TCERG1L: variants seen among roughly 807,000 people sequenced by gnomAD.
The protein encoded by TCERG1L is transcription elongation regulator 1-like protein.
A neutral mutation model predicts 56.3 loss-of-function variants in TCERG1L; 37 were observed. The observed-to-expected ratio is 0.66, with a 90% CI of 0.51 to 0.87. The LOEUF (loss-of-function observed/expected upper bound fraction) is 0.87. Ranked by LOEUF, TCERG1L falls within the 40% of genes least tolerant of loss-of-function variation. The pLI is 0.00. For synonymous variants in TCERG1L, 324 were observed against 326.3 expected (o/e 0.99, Z 0.08); for missense variants, 799 against 774.2 (o/e 1.03, Z -0.38).
chr10:131,239,319 C>T (rs1230805000), intron 4 of TCERG1L, among the ~76,000 whole-genome samples: 1 of 152,148 alleles, frequency 6.6e-6, no homozygotes, highest in Non-Finnish European at 1.5e-5. Context: ...TAGAAAAGAG[C>T]CTGCTGCAGA....
chr10:131,101,168 T>A (rs897998741), intron 10 of TCERG1L, among the ~76,000 whole-genome samples: 3 of 152,222 alleles, frequency 2.0e-5, no homozygotes, highest in Admixed American at 1.3e-4. Flanking sequence ...CTGCTGTCTC[T>A]GACGATGGCC....
At chr10:131,259,290 A>T (rs1846208633) in intron 4 of TCERG1L, among the ~76,000 whole-genome samples, 1 of 152,202 alleles carries the variant, frequency 6.6e-6, no homozygotes, top group Non-Finnish European at 1.5e-5. Flanking sequence ...TGTCTATCAC[A>T]GTCTAGTGAT....
intron 3 of TCERG1L, among the ~76,000 whole-genome samples, chr10:131,299,059 T>C (rs1466717948): frequency 6.6e-6 from 1 of 152,234 alleles, no homozygotes; most frequent in Non-Finnish European, 1.5e-5. Context: ...TAAATGTATT[T>C]GATTAGATTT....
intron 4 of TCERG1L, among the ~76,000 whole-genome samples, chr10:131,195,796 C>T (rs373063192): frequency 2.4e-3 from 364 of 152,316 alleles, no homozygotes; most frequent in African/African-American, 8.3e-3. Flanking sequence ...TCTTGTCTTC[C>T]GCAAGGCCTT....
intron 3 of TCERG1L, among the ~76,000 whole-genome samples, chr10:131,278,842 GCT>G (rs1476762569): frequency 6.6e-6 from 1 of 152,108 alleles, no homozygotes; most frequent in African/African-American, 2.4e-5. Context: ...TCCCATGGGA[GCT>G]CTCCTGGGCT....
At chr10:131,119,522 C>T (rs1032980979) in intron 8 of TCERG1L, among the ~76,000 whole-genome samples, 1 of 152,300 alleles carries the variant, frequency 6.6e-6, no homozygotes, top group African/African-American at 2.4e-5. Context: ...GAAACAAGGC[C>T]TGTATTGTTG....
At chr10:131,210,994 C>T (rs1845611932) in intron 4 of TCERG1L, among the ~76,000 whole-genome samples, 1 of 152,226 alleles carries the variant, frequency 6.6e-6, no homozygotes, top group African/African-American at 2.4e-5. Flanking sequence ...ATGTGTGAAT[C>T]AAAATCAAAC....
At chr10:131,154,350 G>C (rs1564803058) in intron 6 of TCERG1L, among the ~76,000 whole-genome samples, 3 of 152,234 alleles carry the variant, frequency 2.0e-5, no homozygotes, top group Admixed American at 2.0e-4. Flanking sequence ...CTGGCTGGTG[G>C]GGAGGGAATG....
intron 3 of TCERG1L, among the ~76,000 whole-genome samples, chr10:131,293,476 C>A (rs1846655528): frequency 6.6e-6 from 1 of 152,086 alleles, no homozygotes; most frequent in Non-Finnish European, 1.5e-5. Flanking sequence ...ACATTCCAAA[C>A]CCCTCCCCGA....
chr10:131,157,962 G>A (rs1845940940), intron 6 of TCERG1L, among the ~76,000 whole-genome samples: 1 of 152,268 alleles, frequency 6.6e-6, no homozygotes, highest in African/African-American at 2.4e-5. Context: ...AGACAAGAGT[G>A]AGTAGATGGC....
In TCERG1L at chr10:131,260,179, A is replaced by G. The variant is rs1846220435; in HGVS notation, c.856+80T>C. 20 of 1,254,034 alleles carry G rather than the reference A, an allele frequency of 1.6e-5. No individual in the cohort carries two copies. Among genetic ancestry groups the G allele is most frequent in the Non-Finnish European group, 1.7e-5 (17 of 998,482 alleles). The allele number at this position is 1,254,034 out of a possible 1,614,324, so 77.7% of individuals were successfully genotyped here. On this transcript the variant is annotated intron_variant, in intron 4 of 11. Coordinates refer to ENST00000368642, the MANE Select transcript of TCERG1L (RefSeq NM_174937.4). This position sits in a 1 kb window ranked among gnomAD's most constrained non-coding sequence, Gnocchi z 5.8. ...TTCAGGTCCCACAGCGCCTGGGCCC[A>G]GGCCAGGGGCATCTAACCAGGAAGC...
chr10:131,290,994 A>G (rs911922800), intron 3 of TCERG1L, among the ~76,000 whole-genome samples: 5 of 152,156 alleles, frequency 3.3e-5, no homozygotes, highest in African/African-American at 1.2e-4. Flanking sequence ...TTCACTAACT[A>G]TGGCATTGTT....
intron 4 of TCERG1L, among the ~76,000 whole-genome samples, chr10:131,190,055 G>T (rs1402804422): frequency 2.6e-5 from 4 of 152,006 alleles, no homozygotes; most frequent in Non-Finnish European, 5.9e-5. Context: ...GAAGAGAGAA[G>T]ATCCAAATAA....
chr10:131,253,136 T>A (rs1846129638), intron 4 of TCERG1L, among the ~76,000 whole-genome samples: 1 of 152,188 alleles, frequency 6.6e-6, no homozygotes, highest in Non-Finnish European at 1.5e-5. Flanking sequence ...CGGACCCAGC[T>A]GAAGTTAGCC....
chr10:131,247,020 G>A (rs529192943), intron 4 of TCERG1L, among the ~76,000 whole-genome samples: 7 of 152,170 alleles, frequency 4.6e-5, no homozygotes, highest in Admixed American at 1.3e-4. Flanking sequence ...CCGGCGCTGC[G>A]GCACAACAGA....
intron 4 of TCERG1L, among the ~76,000 whole-genome samples, chr10:131,231,268 C>T (rs555573441): frequency 1.3e-5 from 2 of 152,194 alleles, no homozygotes; most frequent in South Asian, 2.1e-4. Context: ...CTCAGGATGG[C>T]TCCTAAGCTG....
At chr10:131,109,021 C>G (rs563145928) in intron 9 of TCERG1L, among the ~76,000 whole-genome samples, 26 of 152,126 alleles carry the variant, frequency 1.7e-4, no homozygotes, top group Admixed American at 3.9e-4. Context: ...TGACATGGGC[C>G]CCGTCCACGC....
intron 4 of TCERG1L, among the ~76,000 whole-genome samples, chr10:131,175,745 T>C (rs1846141040): frequency 6.6e-6 from 1 of 152,080 alleles, no homozygotes; most frequent in African/African-American, 2.4e-5. Context: ...GTCAGGTACA[T>C]AGTGAGCCAA....
intron 7 of TCERG1L, 101 bp from the exon 8 acceptor site, chr10:131,134,549 T>A: frequency 1.2e-6 from 1 of 849,080 alleles, no homozygotes; most frequent in Non-Finnish European, 1.9e-6. Flanking sequence ...ATCTAGAAAT[T>A]AAGACAACAG....
Sources: allele counts gnomAD v4.1 joint callset (sites outside exome capture counted in the v4.1 genomes callset), GRCh38; gene constraint gnomAD v4.1.1; non-coding constraint Gnocchi (gnomAD v3.1); transcripts MANE v1.5; gene names NCBI Gene and HGNC (gene_info 2026-07-23, HGNC 2026-07-21).